Variants in INSC observed in about 807,000 individuals in gnomAD.
INSC encodes protein inscuteable homolog.
A neutral mutation model predicts 58.6 loss-of-function variants in INSC; 67 were observed. That is an observed-to-expected ratio of 1.14 (90% CI 0.94 to 1.40). The LOEUF (loss-of-function observed/expected upper bound fraction) is 1.40, where lower values mean the gene tolerates loss of function less well. INSC is among the 40% of genes most tolerant of loss of function. INSC has a pLI of 0.00. For synonymous variants in INSC, 262 were observed against 276.1 expected (o/e 0.95, Z 0.51); for missense variants, 714 against 692.0 (o/e 1.03, Z -0.36).
intron 5 of INSC, among the ~76,000 whole-genome samples, chr11:15,185,999 A>G (rs1039805587): frequency 1.1e-5 from 1 of 94,448 alleles, no homozygotes; most frequent in Non-Finnish European, 2.6e-5. Context: ...TATGAGGTCT[A>G]TTGTTCCCTC....
upstream of INSC, among the ~76,000 whole-genome samples, chr11:15,111,733 A>AT (rs1319691082): frequency 6.6e-6 from 1 of 152,294 alleles, no homozygotes; most frequent in East Asian, 1.9e-4. Flanking sequence ...CTGTGTCTGT[A>AT]TTATGGGGAT....
intron 1 of INSC, among the ~76,000 whole-genome samples, chr11:15,116,199 T>A (rs947602967): frequency 3.9e-5 from 6 of 152,182 alleles, no homozygotes; most frequent in African/African-American, 9.7e-5. Flanking sequence ...GCAAGCCAGG[T>A]CAGGCTGGGA....
chr11:15,261,527 C>G, the INSC span, among the ~76,000 whole-genome samples: 2 of 152,118 alleles, frequency 1.3e-5, no homozygotes, highest in East Asian at 3.9e-4. Context: ...ACTTTATTAT[C>G]TCTGGTACAA....
At chr11:15,265,828 C>CTTTTTTTTTTTTTTTT in the INSC span, among the ~76,000 whole-genome samples, 1 of 128,698 alleles carries the variant, frequency 7.8e-6, no homozygotes, top group Non-Finnish European at 1.7e-5. Flanking sequence ...ATTGTTCTTG[C>CTTTTTTTTTTTTTTTT]TTTTTTTTTT....
chr11:15,126,597 T>TATA (rs1848002041), intron 1 of INSC, among the ~76,000 whole-genome samples: 1 of 152,214 alleles, frequency 6.6e-6, no homozygotes, highest in South Asian at 2.1e-4. Context: ...GGGGCATATA[T>TATA]TGTCTAAGGC....
intron 9 of INSC, among the ~76,000 whole-genome samples, chr11:15,228,327 G>A (rs1851718853): frequency 6.6e-6 from 1 of 152,326 alleles, no homozygotes; most frequent in African/African-American, 2.4e-5. Flanking sequence ...AAGCCTCACT[G>A]AGTCCTAGGA....
chr11:15,216,109 G>A (rs749591452), intron 7 of INSC, among the ~76,000 whole-genome samples: 13 of 152,168 alleles, frequency 8.5e-5, no homozygotes, highest in Non-Finnish European at 1.6e-4. Flanking sequence ...TGTCTGATAT[G>A]GAGTAAAGCG....
upstream of INSC, chr11:15,114,810 G>A (rs1847651243): frequency 2.8e-6 from 1 of 356,782 alleles, no homozygotes; most frequent in South Asian, 1.2e-4. Context: ...GCGCTGCTGT[G>A]GAAGGTCCTT....
chr11:15,218,959 A>G (rs1447108422), intron 7 of INSC, among the ~76,000 whole-genome samples: 1 of 152,194 alleles, frequency 6.6e-6, no homozygotes, highest in East Asian at 1.9e-4. Flanking sequence ...CTAAAAGCCT[A>G]CTACATGCCA....
In INSC at chr11:15,165,869, G is replaced by C. The variant is rs527888524; in HGVS notation, c.57-9872G>C. ...TTGTAGTTGCTGAACCAGTCTTTTG[G>C]GGGGTGGTGGGGGAACATATGTTAG... On this transcript the variant is annotated intron_variant, in intron 2 of 12. Transcript: ENST00000379556. Among the ~76,000 whole-genome samples, 4 of 152,200 alleles carry C rather than the reference G, an allele frequency of 2.6e-5. No individual in the cohort carries two copies. The East Asian group carries it at 7.7e-4, about 29-fold the overall frequency.
intron 2 of INSC, among the ~76,000 whole-genome samples, chr11:15,153,969 G>A (rs1848730495): frequency 2.0e-5 from 3 of 152,206 alleles, no homozygotes; most frequent in Non-Finnish European, 4.4e-5. Context: ...CCACTTTAGT[G>A]GAGTTCTCAC....
At chr11:15,265,582 T>C in the INSC span, among the ~76,000 whole-genome samples, 114,901 of 151,420 alleles carry the variant, frequency 0.76, 43,718 homozygotes, top group Middle Eastern at 0.85. Context: ...AAAATATCCC[T>C]TTATTACCTT....
intron 1 of INSC, among the ~76,000 whole-genome samples, chr11:15,132,937 G>C (rs1401327489): frequency 6.6e-6 from 1 of 152,046 alleles, no homozygotes; most frequent in Non-Finnish European, 1.5e-5. Flanking sequence ...TTTGTCTTTG[G>C]TGCTCATTAA....
upstream of INSC, among the ~76,000 whole-genome samples, chr11:15,112,800 G>A (rs115934527): frequency 7.6e-3 from 1,163 of 152,170 alleles, 15 homozygotes; most frequent in African/African-American, 0.027. Context: ...TATGATCTAA[G>A]CCTCATTCTA....
At chr11:15,227,823 A>G (rs898333038) in intron 9 of INSC, among the ~76,000 whole-genome samples, 1 of 152,146 alleles carries the variant, frequency 6.6e-6, no homozygotes, top group African/African-American at 2.4e-5. Context: ...TCTTTCATCT[A>G]CCTGACATAA....
chr11:15,192,660 G>A (rs373224666), intron 6 of INSC, among the ~76,000 whole-genome samples: 1 of 152,156 alleles, frequency 6.6e-6, no homozygotes, highest in Non-Finnish European at 1.5e-5. Flanking sequence ...AAGTTCATCC[G>A]ACCTTCAACT....
intron 5 of INSC, among the ~76,000 whole-genome samples, chr11:15,189,557 G>A (rs1850090568): frequency 6.6e-6 from 1 of 152,154 alleles, no homozygotes; most frequent in Non-Finnish European, 1.5e-5. Context: ...CTGTATAGAT[G>A]AGGAAACTGA....
intron 9 of INSC, among the ~76,000 whole-genome samples, chr11:15,234,556 A>C (rs1852049327): frequency 6.6e-6 from 1 of 152,048 alleles, no homozygotes; most frequent in South Asian, 2.1e-4. Flanking sequence ...CGGAGGGGGG[A>C]CACAGTTTTT....
downstream of INSC, among the ~76,000 whole-genome samples, chr11:15,247,936 A>G (rs1432343882): frequency 6.6e-6 from 1 of 152,134 alleles, no homozygotes; most frequent in Non-Finnish European, 1.5e-5. Context: ...TTTCCCTTGA[A>G]GAGACGGACT....
Sources: gnomAD v4.1 joint callset for allele counts (sites outside exome capture counted in the v4.1 genomes callset) on GRCh38, gnomAD v4.1.1 for gene constraint, MANE v1.5 for transcripts, NCBI Gene and HGNC (gene_info 2026-07-23, HGNC 2026-07-21) for gene names.